GRM8: variants seen among roughly 807,000 people sequenced by gnomAD.
GRM8 encodes the protein glutamate metabotropic receptor 8, also known as metabotropic glutamate receptor 8.
A neutral mutation model predicts 87.2 loss-of-function variants in GRM8; 47 were observed. The observed-to-expected ratio is 0.54, with a 90% CI of 0.43 to 0.69. The LOEUF is 0.69. GRM8 is among the 30% of genes least tolerant of loss of function. The probability of loss-of-function intolerance (pLI) is 0.00; values close to 1 mark genes in which losing one functional copy is unlikely to be tolerated. For synonymous variants in GRM8, 396 were observed against 404.5 expected (o/e 0.98, Z 0.25); for missense variants, 1,019 against 1,139.2 (o/e 0.89, Z 1.52).
intron 2 of GRM8, among the ~76,000 whole-genome samples, chr7:127,196,144 G>A (rs1260553809): frequency 6.6e-6 from 1 of 152,124 alleles, no homozygotes; most frequent in African/African-American, 2.4e-5. Flanking sequence ...ATTCAAGTTT[G>A]GGGGGATTCC....
At chr7:126,663,000 A>G (rs912812158) in intron 7 of GRM8, among the ~76,000 whole-genome samples, 2 of 152,224 alleles carry the variant, frequency 1.3e-5, no homozygotes, top group African/African-American at 4.8e-5. Flanking sequence ...ACTCTCAGCC[A>G]TGTTCACTTA....
Position 126,718,234 on chromosome 7 carries a change from A to AAAT in GRM8, c.1357+51628_1357+51630dup, listed in dbSNP as rs576311573. 8.4e-3 allele frequency among the ~76,000 whole-genome samples: 1,281 copies of AAAT among 151,850 alleles called. 8 individuals are homozygous for AAAT. The highest frequency in any genetic ancestry group is 0.012 in the Non-Finnish European group (813 of 67,936). On this transcript the variant is annotated intron_variant, in intron 7 of 10. Transcript: ENST00000339582. ...GTGACAGAGTGAGACTCTGTCTCAA[A>AAAT]AATAATAATAATAATAATAACTTCA...
intron 9 of GRM8, among the ~76,000 whole-genome samples, chr7:126,525,686 A>T (rs1369600833): frequency 6.6e-6 from 1 of 152,156 alleles, no homozygotes; most frequent in East Asian, 1.9e-4. Context: ...ACTTTCTGAG[A>T]GTTTCTCAGT....
At chr7:126,520,390 G>C (rs1338048319) in intron 9 of GRM8, among the ~76,000 whole-genome samples, 1 of 152,062 alleles carries the variant, frequency 6.6e-6, no homozygotes, top group African/African-American at 2.4e-5. Flanking sequence ...CACAATTTGG[G>C]TTTTGGATTG....
intron 3 of GRM8, among the ~76,000 whole-genome samples, chr7:127,043,792 C>T (rs1413382198): frequency 6.6e-6 from 1 of 152,016 alleles, no homozygotes; most frequent in African/African-American, 2.4e-5. Flanking sequence ...AAATAAAAAA[C>T]CCTTTGCGGA....
intron 8 of GRM8, among the ~76,000 whole-genome samples, chr7:126,559,590 T>G (rs1175286202): frequency 6.6e-6 from 1 of 152,188 alleles, no homozygotes; most frequent in East Asian, 1.9e-4. Flanking sequence ...TAGATCACAT[T>G]GTCTTGTGCA....
chr7:127,250,567 A>C (rs796592421), intron 1 of GRM8, among the ~76,000 whole-genome samples: 1 of 148,744 alleles, frequency 6.7e-6, no homozygotes, highest in Non-Finnish European at 1.5e-5. Context: ...AGTTGACTCT[A>C]AAATGGAAAA....
intron 3 of GRM8, among the ~76,000 whole-genome samples, chr7:127,062,045 G>A (rs1820641792): frequency 6.6e-6 from 1 of 151,822 alleles, no homozygotes; most frequent in South Asian, 2.1e-4. Flanking sequence ...TCAGGAGGCT[G>A]AGGCAGGAGA....
intron 3 of GRM8, among the ~76,000 whole-genome samples, chr7:127,048,410 A>T (rs1234072674): frequency 6.6e-6 from 1 of 152,214 alleles, no homozygotes; most frequent in East Asian, 1.9e-4. Flanking sequence ...CTCTGACCAA[A>T]ATGAGAAGCC....
chr7:126,748,994 G>A (rs965844391), intron 7 of GRM8, among the ~76,000 whole-genome samples: 2 of 152,042 alleles, frequency 1.3e-5, no homozygotes, highest in South Asian at 2.1e-4. Flanking sequence ...TCACTGGCTA[G>A]GTACCACAGT....
chr7:126,802,460 A>AAGGTT (rs1822820221), intron 6 of GRM8, among the ~76,000 whole-genome samples: 1 of 152,128 alleles, frequency 6.6e-6, no homozygotes, highest in African/African-American at 2.4e-5. Flanking sequence ...TTATTTTACT[A>AAGGTT]ACCTAAGTGT....
At chr7:126,895,423 C>CCTCAGGTAGGA (rs1426714861) in intron 6 of GRM8, among the ~76,000 whole-genome samples, 1 of 152,036 alleles carries the variant, frequency 6.6e-6, no homozygotes, top group East Asian at 1.9e-4. Context: ...TCACCTGGAA[C>CCTCAGGTAGGA]TCATCAGAAA....
At chr7:127,213,661 T>C (rs1457610961) in intron 2 of GRM8, among the ~76,000 whole-genome samples, 1 of 152,216 alleles carries the variant, frequency 6.6e-6, no homozygotes, top group East Asian at 1.9e-4. Context: ...GCATTCTGGG[T>C]AATATCTCAT....
At chr7:126,511,071 G>C (rs999533042) in intron 9 of GRM8, 19 of 152,110 alleles carry the variant, frequency 1.2e-4, no homozygotes, top group Non-Finnish European at 2.5e-4. Context: ...TCTACATATT[G>C]AGAAGTCTGC....
rs577117783 is a variant in GRM8, at chr7:126,909,936, T to C, written c.728-5253A>G. On this transcript the variant is annotated intron_variant, in intron 3 of 10. Transcript: ENST00000339582. ...CATCTTACCCATCCACAATTGACTA[T>C]ACCTGTGGCTTAATGGTTTAGTGAC... is the stretch of plus-strand genomic sequence containing the variant. Among the ~76,000 whole-genome samples the C allele has an allele frequency of 2.6e-5, 4 of 152,278 alleles. No individual in the cohort carries two copies. The East Asian group carries it at 7.7e-4, about 29-fold the overall frequency.
chr7:126,956,954 C>T (rs778390103), intron 3 of GRM8, among the ~76,000 whole-genome samples: 25 of 152,250 alleles, frequency 1.6e-4, no homozygotes, highest in South Asian at 4.1e-4. Flanking sequence ...AAATAATCTA[C>T]GCAATGAAAG....
chr7:126,789,890 CTT>C (rs1277297808), intron 6 of GRM8, among the ~76,000 whole-genome samples: 4 of 152,146 alleles, frequency 2.6e-5, no homozygotes, highest in Non-Finnish European at 4.4e-5. Context: ...CAAAGACTCT[CTT>C]AATTTTTTCA....
intron 3 of GRM8, chr7:127,105,442 A>G (rs996797217): frequency 6.6e-6 from 1 of 152,254 alleles, no homozygotes; most frequent in Non-Finnish European, 1.5e-5. Flanking sequence ...TCTATGTCCT[A>G]CTATGTACAG....
At chr7:127,130,598 T>C (rs898478757) in intron 2 of GRM8, among the ~76,000 whole-genome samples, 3 of 152,176 alleles carry the variant, frequency 2.0e-5, no homozygotes, top group African/African-American at 7.2e-5. Flanking sequence ...TGATTTAGTG[T>C]ATCTGGCAGA....
Sources: allele counts gnomAD v4.1 joint callset (sites outside exome capture counted in the v4.1 genomes callset), GRCh38; gene constraint gnomAD v4.1.1; transcripts MANE v1.5; gene names NCBI Gene and HGNC (gene_info 2026-07-23, HGNC 2026-07-21).